The following ALDH7A1 variants were observed in gnomAD, a reference collection of about 807,000 sequenced individuals.
ALDH7A1 encodes the protein alpha-aminoadipic semialdehyde dehydrogenase.
In ALDH7A1, 63 loss-of-function variants were observed where a neutral mutation model predicts 79.9. That is an observed-to-expected ratio of 0.79 (90% CI 0.64 to 0.97). The LOEUF (loss-of-function observed/expected upper bound fraction) is 0.97, where lower values mean the gene tolerates loss of function less well. ALDH7A1 is among the 50% of genes least tolerant of loss of function. The probability of loss-of-function intolerance (pLI) is 0.00; values close to 1 mark genes in which losing one functional copy is unlikely to be tolerated. For synonymous variants in ALDH7A1, 240 were observed against 231.2 expected (o/e 1.04, Z -0.34); for missense variants, 627 against 665.2 (o/e 0.94, Z 0.63).
At chr5:126,593,503 G>A in intron 1 of ALDH7A1, 99 bp from the exon 2 acceptor site, 2 of 1,519,820 alleles carry the variant, frequency 1.3e-6, no homozygotes, top group Non-Finnish European at 9.1e-7. Context: ...AGGAAAAAAT[G>A]ATATAATACC....
intron 9 of ALDH7A1, among the ~76,000 whole-genome samples, chr5:126,565,581 G>A (rs569138830): frequency 1.2e-4 from 19 of 152,082 alleles, no homozygotes; most frequent in African/African-American, 4.6e-4. Flanking sequence ...TTTTCCTGAT[G>A]TCCTTTGAAG....
At chr5:126,585,481 G>A (rs1400696389) in intron 3 of ALDH7A1, among the ~76,000 whole-genome samples, 1 of 152,138 alleles carries the variant, frequency 6.6e-6, no homozygotes, top group East Asian at 1.9e-4. Flanking sequence ...CTCCCCAAGT[G>A]TATCACTGTC....
chr5:126,566,464 GTT>G (rs1750588031), intron 9 of ALDH7A1, among the ~76,000 whole-genome samples: 1 of 152,072 alleles, frequency 6.6e-6, no homozygotes, highest in African/African-American at 2.4e-5. Context: ...TTCATTAGCT[GTT>G]TTTTAATAAA....
At chr5:126,574,650 G>A (rs61684990) in intron 7 of ALDH7A1, among the ~76,000 whole-genome samples, 3,995 of 151,696 alleles carry the variant, frequency 0.026, 170 homozygotes, top group African/African-American at 0.09. Flanking sequence ...AGCCGAGATC[G>A]CACCACTGGA....
chr5:126,564,025 G>A (rs28429591), intron 9 of ALDH7A1, among the ~76,000 whole-genome samples: 13,018 of 151,820 alleles, frequency 0.086, 721 homozygotes, highest in Admixed American at 0.16. Context: ...AGCTTCCAGC[G>A]ATCCACCCAC....
chr5:126,556,049 G>T, intron 11 of ALDH7A1, 34 bp from the exon 12 acceptor site: 1 of 1,412,700 alleles, frequency 7.1e-7, no homozygotes, highest in Non-Finnish European at 1.0e-6. Flanking sequence ...GGCATAGTAT[G>T]ATAAATGCAC....
intron 1 of ALDH7A1, chr5:126,593,796 G>A: frequency 6.2e-6 from 2 of 321,304 alleles, no homozygotes; most frequent in South Asian, 6.2e-5. Context: ...CTGTTGGAAA[G>A]TCCCGTGTCC....
rs892978591 is a variant in ALDH7A1 at position 126,583,855 on chromosome 5, C to G, written c.393+77G>C. ...TCCATCTCAAAAAAAAAAAACCTCA[C>G]AATTTTATATATAGAAAAGCATGAC... is the stretch of plus-strand genomic sequence containing the variant. On this transcript the variant is annotated intron_variant, in intron 4 of 17. Transcript: ENST00000409134. The G allele has an allele frequency of 1.4e-5, 18 of 1,267,632 alleles. No individual in the cohort carries two copies. The South Asian group carries it at 1.5e-4, about 11-fold the overall frequency. The allele number at this position is 1,267,632 out of a possible 1,614,324, so 78.5% of individuals were successfully genotyped here.
intron 6 of ALDH7A1, among the ~76,000 whole-genome samples, chr5:126,576,842 G>A (rs1257748827): frequency 6.6e-6 from 1 of 152,160 alleles, no homozygotes; most frequent in Non-Finnish European, 1.5e-5. Flanking sequence ...CAGGAGAATT[G>A]CTTGAACCTG....
At position 126,543,669 on chromosome 5, in the gene ALDH7A1, G is replaced by A. The variant is rs896772765; in HGVS notation, c.*1296C>T. The A allele has an allele frequency of 2.6e-5, 4 of 152,130 alleles. No individual in the cohort carries two copies. Among genetic ancestry groups the A allele is most frequent in the African/African-American group, 9.7e-5 (4 of 41,408 alleles). The allele number at this position is 152,130 out of a possible 1,614,324, so 9.4% of individuals were successfully genotyped here. ...TCTACAAATGTCATCTTGTTCAAAG[G>A]CCTCTGCTCCATTCTAACCTGGCAG... On this transcript the variant is annotated 3_prime_UTR_variant, in exon 18 of 18. Coordinates refer to ENST00000409134, the MANE Select transcript of ALDH7A1 (RefSeq NM_001182.5).
rs1749668606 is a variant in ALDH7A1, at chr5:126,543,201, A to G, written c.*1764T>C. 1.3e-5 allele frequency: 2 copies of G among 152,240 alleles called. No individual in the cohort carries two copies. Among genetic ancestry groups the G allele is most frequent in the Non-Finnish European group, 2.9e-5 (2 of 68,038 alleles). 9.4% of individuals were successfully genotyped at this position (152,240 alleles called of 1,614,324 possible). ...CTAACAAGTGATTTATATCTGCTAA[A>G]TCAGCAAAAAAGAACAAAGAGGAAC... On this transcript the variant is annotated 3_prime_UTR_variant, in exon 18 of 18. Transcript: ENST00000409134.
intron 5 of ALDH7A1, chr5:126,582,189 T>C (rs1272237921): frequency 2.5e-6 from 1 of 398,374 alleles, no homozygotes; most frequent in Admixed American, 4.4e-5. Context: ...ATTGAAAGCA[T>C]TCACTACTTC....
Position 126,541,868 on chromosome 5 carries a change from T to TA in ALDH7A1, c.*3096dup, listed in dbSNP as rs1157694250. The TA allele has an allele frequency of 6.6e-6, 1 of 151,830 alleles. No homozygotes were observed. The highest frequency in any genetic ancestry group is 1.5e-5 in the Non-Finnish European group (1 of 67,998). 9.4% of individuals were successfully genotyped at this position (151,830 alleles called of 1,614,324 possible). ...GGAGTTGAGGAATTATTTTTATTTT[T>TA]AAAAGGGAAATTAACGTAGACAAAT... On this transcript the variant is annotated 3_prime_UTR_variant, in exon 18 of 18. Transcript: ENST00000409134.
intron 5 of ALDH7A1, among the ~76,000 whole-genome samples, chr5:126,580,728 A>G (rs1296202805): frequency 6.6e-6 from 1 of 152,230 alleles, no homozygotes. Context: ...CCACTTTAGC[A>G]TACACTTCTA....
At chr5:126,584,081 T>A in intron 3 of ALDH7A1, 69 bp from the exon 4 acceptor site, 1 of 1,281,402 alleles carries the variant, frequency 7.8e-7, no homozygotes, top group Non-Finnish European at 1.1e-6. Context: ...CAGTATTGGA[T>A]GTGTGCTGTA....
chr5:126,551,256 G>A (rs1000198525), intron 14 of ALDH7A1, among the ~76,000 whole-genome samples: 8 of 151,810 alleles, frequency 5.3e-5, no homozygotes, highest in Non-Finnish European at 1.2e-4. Flanking sequence ...ATCAAGATAT[G>A]AGATCAGGGA....
At chr5:126,591,995 G>GCT (rs914463504) in intron 3 of ALDH7A1, 2 of 147,720 alleles carry the variant, frequency 1.4e-5, no homozygotes, top group African/African-American at 5.1e-5. Flanking sequence ...GTGCAGTGAT[G>GCT]CTATCTTGGC....
In ALDH7A1 at chr5:126,559,333, G is replaced by C. The variant is rs1198764160; in HGVS notation, c.915C>G (p.Ala305=). 1 of 1,613,432 alleles carries C rather than the reference G, an allele frequency of 6.2e-7. No individual in the cohort carries two copies. Among genetic ancestry groups the C allele is most frequent in the Non-Finnish European group, 8.5e-7 (1 of 1,179,578 alleles). ...LELGGNNAII[A]FEDADLSLVV... ...CTAAGCTGAGGTCTGCATCTTCAAA[G>C]GCTTAGGAAAGCACAAACACTTCCA... The change falls in exon 11 of 18, where the codon GCC becomes GCG. Residue 305 remains alanine, a splice_region_variant and synonymous_variant. Coordinates refer to ENST00000409134, the MANE Select transcript of ALDH7A1 (RefSeq NM_001182.5).
chr5:126,550,413 G>A, intron 14 of ALDH7A1, 120 bp from the exon 15 acceptor site: 1 of 794,442 alleles, frequency 1.3e-6, no homozygotes, highest in Non-Finnish European at 2.1e-6. Context: ...GGAAACCAAA[G>A]AGTCAAGTTT....
Sources: gnomAD v4.1 joint callset for allele counts (sites outside exome capture counted in the v4.1 genomes callset) on GRCh38, gnomAD v4.1.1 for gene constraint, MANE v1.5 for transcripts, NCBI Gene and HGNC (gene_info 2026-07-23, HGNC 2026-07-21) for gene names.